The following ELAPOR2 variants were observed in gnomAD, a reference collection of about 807,000 sequenced individuals.
ELAPOR2 encodes the protein endosome/lysosome-associated apoptosis and autophagy regulator family member 2.
Under a neutral mutation model 120.7 loss-of-function variants are expected in ELAPOR2, and 89 were observed. The ratio of observed to expected loss-of-function variants is 0.74; its 90% CI spans 0.62 to 0.88. The LOEUF (loss-of-function observed/expected upper bound fraction) is 0.88, where lower values mean the gene tolerates loss of function less well. ELAPOR2 is among the 40% of genes least tolerant of loss of function. The pLI is 0.00. For missense variants in ELAPOR2, 1,134 were observed against 1,251.6 expected (o/e 0.91, Z 1.42); for synonymous variants, 444 against 444.9 (o/e 1.00, Z 0.03).
At chr7:87,025,335 G>A (rs934546298) in intron 1 of ELAPOR2, among the ~76,000 whole-genome samples, 18 of 151,906 alleles carry the variant, frequency 1.2e-4, no homozygotes, top group African/African-American at 4.1e-4. Flanking sequence ...CAAGAGTATC[G>A]AACAAAAAGC....
intron 1 of ELAPOR2, among the ~76,000 whole-genome samples, chr7:87,041,015 G>A (rs376431779): frequency 3.2e-4 from 48 of 152,208 alleles, no homozygotes; most frequent in African/African-American, 8.0e-4. Context: ...GGGTATCAGC[G>A]ATGGAAGATG....
chr7:86,918,323 CAAA>C (rs370415220), intron 12 of ELAPOR2, 116 bp downstream of exon 12: 7,792 of 170,690 alleles, frequency 0.046, no homozygotes, highest in South Asian at 0.071. Context: ...CTAAGAATAG[CAAA>C]AAAAAAAAAA....
chr7:86,965,148 C>G (rs75354329), intron 1 of ELAPOR2, 124 bp from the exon 2 acceptor site: 2 of 908,820 alleles, frequency 2.2e-6, no homozygotes, highest in Admixed American at 2.2e-5. Flanking sequence ...ATCCCTCCCC[C>G]ATCCCACCCA....
At chr7:86,907,000 GTATT>G (rs1244341974) in intron 18 of ELAPOR2, among the ~76,000 whole-genome samples, 2 of 152,170 alleles carry the variant, frequency 1.3e-5, no homozygotes, top group African/African-American at 4.8e-5. Flanking sequence ...AAAGCAGTCT[GTATT>G]TAAGTTGACA....
intron 2 of ELAPOR2, among the ~76,000 whole-genome samples, chr7:86,964,676 A>AT (rs1360114978): frequency 6.6e-6 from 1 of 152,174 alleles, no homozygotes; most frequent in Non-Finnish European, 1.5e-5. Flanking sequence ...AAGAAAATAG[A>AT]TTTTAAAAAA....
intron 1 of ELAPOR2, among the ~76,000 whole-genome samples, chr7:86,985,737 T>C (rs1188057987): frequency 6.6e-6 from 1 of 152,120 alleles, no homozygotes; most frequent in African/African-American, 2.4e-5. Flanking sequence ...TACATATGCA[T>C]ACATGTGCCA....
intron 21 of ELAPOR2, among the ~76,000 whole-genome samples, chr7:86,890,149 T>C (rs933851134): frequency 2.0e-5 from 3 of 152,030 alleles, no homozygotes; most frequent in Admixed American, 1.3e-4. Context: ...AAATGAGGTT[T>C]GGATGTTGTT....
chr7:86,996,655 T>C (rs1413628803), intron 1 of ELAPOR2, among the ~76,000 whole-genome samples: 1 of 152,196 alleles, frequency 6.6e-6, no homozygotes, highest in African/African-American at 2.4e-5. Context: ...CTGGCTGCTA[T>C]ACAGAGAACA....
chr7:87,043,276 T>C (rs909041004), intron 1 of ELAPOR2, among the ~76,000 whole-genome samples: 7 of 151,370 alleles, frequency 4.6e-5, no homozygotes, highest in Non-Finnish European at 8.8e-5. Flanking sequence ...CCAGCATCAT[T>C]CTGATACCAA....
At chr7:86,897,877 C>T (rs1312147918) in intron 18 of ELAPOR2, among the ~76,000 whole-genome samples, 2 of 152,100 alleles carry the variant, frequency 1.3e-5, no homozygotes, top group Admixed American at 6.6e-5. Context: ...TTGGTGTCCT[C>T]ATGCATGCAC....
At chr7:86,902,785 G>A (rs1788784159) in intron 18 of ELAPOR2, among the ~76,000 whole-genome samples, 1 of 152,040 alleles carries the variant, frequency 6.6e-6, no homozygotes, top group Non-Finnish European at 1.5e-5. Context: ...GTGAGATGGG[G>A]GCTTGCTAAC....
Position 87,059,615 on chromosome 7 carries a change from C to T in ELAPOR2, c.-102G>A. The T allele has an allele frequency of 1.5e-5, 16 of 1,092,846 alleles. No individual in the cohort carries two copies. Among genetic ancestry groups the T allele is most frequent in the Non-Finnish European group, 1.8e-5 (16 of 897,258 alleles). 67.7% of individuals were successfully genotyped at this position (1,092,846 alleles called of 1,614,324 possible). ...CGCGACTGCTGTGCGCTCGTCTCGC[C>T]GCTCCGTCACCCGCTGCCCGTCCGC... On this transcript the variant is annotated 5_prime_UTR_variant, in exon 1 of 22. Coordinates refer to ENST00000450689, the MANE Select transcript of ELAPOR2 (RefSeq NM_001142749.3).
chr7:86,902,781 T>C (rs1444640889), intron 18 of ELAPOR2, among the ~76,000 whole-genome samples: 4 of 152,098 alleles, frequency 2.6e-5, no homozygotes, highest in South Asian at 2.1e-4. Flanking sequence ...GTCTGTGAGA[T>C]GGGGGCTTGC....
At chr7:87,028,803 A>G (rs1262385562) in intron 1 of ELAPOR2, among the ~76,000 whole-genome samples, 1 of 151,972 alleles carries the variant, frequency 6.6e-6, no homozygotes, top group Non-Finnish European at 1.5e-5. Context: ...CACACCCTAA[A>G]AGGCACCATG....
intron 18 of ELAPOR2, among the ~76,000 whole-genome samples, chr7:86,904,747 G>A (rs1788891330): frequency 6.6e-6 from 1 of 152,080 alleles, no homozygotes; most frequent in Admixed American, 6.6e-5. Flanking sequence ...TTTCTATTAA[G>A]ACTTTCTCAC....
At chr7:87,002,703 A>T (rs1562963847) in intron 1 of ELAPOR2, among the ~76,000 whole-genome samples, 1 of 151,948 alleles carries the variant, frequency 6.6e-6, no homozygotes, top group Non-Finnish European at 1.5e-5. Context: ...CCACTCAACT[A>T]CCTACTGTAT....
chr7:87,053,906 C>A (rs975869899), intron 1 of ELAPOR2, among the ~76,000 whole-genome samples: 2 of 152,110 alleles, frequency 1.3e-5, no homozygotes, highest in Non-Finnish European at 2.9e-5. Flanking sequence ...GATGGCTATT[C>A]ATTCTCACTG....
intron 8 of ELAPOR2, among the ~76,000 whole-genome samples, chr7:86,929,185 T>G (rs1790214346): frequency 6.6e-6 from 1 of 151,878 alleles, no homozygotes; most frequent in South Asian, 2.1e-4. Flanking sequence ...TGAAAGCTGA[T>G]TCTCATATAA....
intron 12 of ELAPOR2, among the ~76,000 whole-genome samples, chr7:86,915,580 T>C (rs1789534935): frequency 6.6e-6 from 1 of 151,610 alleles, no homozygotes; most frequent in Non-Finnish European, 1.5e-5. Context: ...GTAACATACA[T>C]CTAATTTATA....
Sources: allele counts gnomAD v4.1 joint callset (sites outside exome capture counted in the v4.1 genomes callset), GRCh38; gene constraint gnomAD v4.1.1; transcripts MANE v1.5; gene names NCBI Gene and HGNC (gene_info 2026-07-23, HGNC 2026-07-21).